Variants in VWA5B1 observed in about 807,000 individuals in gnomAD.
VWA5B1 encodes von Willebrand factor A domain-containing protein 5B1.
Under a neutral mutation model 118.2 loss-of-function variants are expected in VWA5B1, and 115 were observed. That is an observed-to-expected ratio of 0.97 (90% confidence interval 0.84 to 1.14). The LOEUF is 1.14. VWA5B1 is among the 50% of genes most tolerant of loss of function. VWA5B1 has a pLI of 0.00. For synonymous variants in VWA5B1, 682 were observed against 658.4 expected (o/e 1.04, Z -0.55); for missense variants, 1,596 against 1,603.8 (o/e 1.00, Z 0.08).
chr1:20,292,810 C>A (rs945999773), intron 1 of VWA5B1, among the ~76,000 whole-genome samples: 2 of 152,212 alleles, frequency 1.3e-5, no homozygotes, highest in African/African-American at 4.8e-5. Flanking sequence ...TCCAATCCAG[C>A]CCCATCCAGG....
Position 20,348,226 on chromosome 1 carries a change from C to T in VWA5B1, c.2765-19C>T, listed in dbSNP as rs528225057. 2.1e-4 allele frequency: 325 copies of T among 1,550,078 alleles called. 6 individuals are homozygous for T. In the South Asian group the frequency reaches 3.8e-3, roughly 18 times the overall value. On this transcript the variant is annotated intron_variant, in intron 17 of 21. Coordinates refer to ENST00000289815, the MANE Select transcript of VWA5B1 (RefSeq NM_001039500.3). ...CACATTTGTACCCAACCACCCGCTT[C>T]CCCTTGTCTTCCGCGAAGGAGCTGC...
chr1:20,330,726 C>T, intron 10 of VWA5B1, 143 bp from the exon 11 acceptor site: 1 of 842,304 alleles, frequency 1.2e-6, no homozygotes. Flanking sequence ...CCCGATGGCC[C>T]CTCTTCCTTC....
chr1:20,334,205 G>T (rs1240034906), intron 12 of VWA5B1, among the ~76,000 whole-genome samples: 1 of 152,220 alleles, frequency 6.6e-6, no homozygotes, highest in East Asian at 1.9e-4. Flanking sequence ...TTTCAGAACT[G>T]TGATCAGGTT....
intron 1 of VWA5B1, among the ~76,000 whole-genome samples, chr1:20,294,868 C>T (rs190891994): frequency 5.1e-4 from 77 of 152,350 alleles, no homozygotes; most frequent in Middle Eastern, 3.4e-3. Context: ...GAATTACAGG[C>T]GTGAGCCACC....
intron 14 of VWA5B1, among the ~76,000 whole-genome samples, chr1:20,340,584 T>TA (rs2089850347): frequency 6.6e-6 from 1 of 152,232 alleles, no homozygotes; most frequent in African/African-American, 2.4e-5. Context: ...AAAAAACTGT[T>TA]ACACCTGGTA....
At chr1:20,293,619 G>A (rs79346640) in intron 1 of VWA5B1, among the ~76,000 whole-genome samples, 4,221 of 152,322 alleles carry the variant, frequency 0.028, 105 homozygotes, top group Non-Finnish European at 0.042. Context: ...AGGGGCTTGA[G>A]CAAGGCCAAG....
At chr1:20,303,002 G>A (rs144936266) in intron 1 of VWA5B1, 52 of 152,344 alleles carry the variant, frequency 3.4e-4, no homozygotes, top group African/African-American at 1.2e-3. Context: ...AGAGGAAAGA[G>A]ACCAGAATAC....
At chr1:20,324,122 G>T (rs993279786) in intron 8 of VWA5B1, among the ~76,000 whole-genome samples, 1 of 152,210 alleles carries the variant, frequency 6.6e-6, no homozygotes, top group African/African-American at 2.4e-5. Flanking sequence ...TGGTAGAAAA[G>T]ACTTGGTTTC....
intron 1 of VWA5B1, among the ~76,000 whole-genome samples, chr1:20,308,267 T>C (rs1041592217): frequency 4.6e-5 from 7 of 152,240 alleles, no homozygotes; most frequent in Non-Finnish European, 8.8e-5. Context: ...GAGTCTGCCG[T>C]CTGTTATCAG....
rs2090212808 is a variant in VWA5B1 at position 20,355,487 on chromosome 1, G to A, written c.*1224G>A. 1.3e-5 allele frequency among the ~76,000 whole-genome samples: 2 copies of A among 152,332 alleles called. No homozygotes were observed. Among genetic ancestry groups the A allele is most frequent in the South Asian group, 4.1e-4 (2 of 4,828 alleles). ...TAGACCTCACCAAGGAACCCCACCA[G>A]CTTGGGACTTCAGGCTGAATCTATC... is the stretch of plus-strand genomic sequence containing the variant. On this transcript the variant is annotated 3_prime_UTR_variant, in exon 22 of 22. Coordinates refer to ENST00000289815, the MANE Select transcript of VWA5B1 (RefSeq NM_001039500.3).
At chr1:20,342,939 G>T in intron 15 of VWA5B1, 140 bp from the exon 16 acceptor site, 1 of 1,400,500 alleles carries the variant, frequency 7.1e-7, no homozygotes. Flanking sequence ...AAAGCAGTTG[G>T]AGTTGCCTGT....
chr1:20,299,700 G>A (rs558635666), intron 1 of VWA5B1, among the ~76,000 whole-genome samples: 2 of 152,208 alleles, frequency 1.3e-5, no homozygotes, highest in Non-Finnish European at 1.5e-5. Flanking sequence ...CACCACGCTC[G>A]GCCTCCAGTG....
intron 4 of VWA5B1, among the ~76,000 whole-genome samples, chr1:20,317,051 G>A (rs2089032564): frequency 6.6e-6 from 1 of 151,462 alleles, no homozygotes; most frequent in Non-Finnish European, 1.5e-5. Flanking sequence ...AGCTACTCGG[G>A]AGGCTGAGGC....
At chr1:20,346,189 C>T (rs1487837550) in intron 17 of VWA5B1, among the ~76,000 whole-genome samples, 1 of 148,704 alleles carries the variant, frequency 6.7e-6, no homozygotes, top group Non-Finnish European at 1.5e-5. Context: ...TTCCAAAGCA[C>T]TTTGTATATA....
In VWA5B1 at chr1:20,314,604, C is replaced by T. The variant is rs911185704; in HGVS notation, c.563+12C>T. ...CAACAGGCCCAGGGGTAAGGAAGCCCTGCCCAGACCAATCAGAGTCCCAGG... is the reference window on the plus strand; with the variant it reads ...CAACAGGCCCAGGGGTAAGGAAGCCTTGCCCAGACCAATCAGAGTCCCAGG... On this transcript the variant is annotated intron_variant, in intron 4 of 21. Transcript: ENST00000289815. The T allele has an allele frequency of 5.2e-6, 8 of 1,548,054 alleles. No individual in the cohort carries two copies. The highest frequency in any genetic ancestry group is 7.0e-6 in the Non-Finnish European group (8 of 1,144,550).
At position 20,337,814 on chromosome 1, in the gene VWA5B1, A is replaced by G; in HGVS notation, c.2111A>G (p.Gln704Arg). ...DLTNQTSLDV[Q>R]RWQIDLQPLL... Reference sequence around the variant, plus strand: ...ACCAACCAGACCAGCCTGGATGTCCAGCGGTGGCAGATTGATTTGCAGGTA... The same window carrying G: ...ACCAACCAGACCAGCCTGGATGTCCGGCGGTGGCAGATTGATTTGCAGGTA... The change falls in exon 14 of 22, where the codon CAG (glutamine) becomes CGG (arginine). Residue 704 changes from glutamine (Q) to arginine (R), a missense_variant. Physicochemically the swap from Gln to Arg is conservative, Grantham distance 43 (BLOSUM62 1). Transcript: ENST00000289815. 4 of 1,551,796 alleles carry G rather than the reference A, an allele frequency of 2.6e-6. No individual in the cohort carries two copies. In the South Asian group the frequency reaches 4.8e-5, roughly 18 times the overall value.
rs374632705 is a variant in VWA5B1, at chr1:20,314,487, C to A, written c.458C>A (p.Thr153Lys). The change falls in exon 4 of 22, where the codon ACG (threonine) becomes AAG (lysine). Residue 153 changes from threonine (T) to lysine (K), a missense_variant. Transcript: ENST00000289815. Reference sequence around the variant, plus strand: ...ATCAGCACCTCCTCGGAGCTCCCAACGCTGCCCAGCGGGGCTGTGAGGGTC... The same window carrying A: ...ATCAGCACCTCCTCGGAGCTCCCAAAGCTGCCCAGCGGGGCTGTGAGGGTC... The part of the protein sequence containing the change: ...IFISTSSELP[T>K]LPSGAVRVLL... The A allele has an allele frequency of 3.2e-6, 5 of 1,551,794 alleles. No homozygotes were observed. The East Asian group carries it at 9.8e-5, about 30-fold the overall frequency.
intron 5 of VWA5B1, chr1:20,318,308 G>T: frequency 2.2e-6 from 1 of 459,342 alleles, no homozygotes; most frequent in Non-Finnish European, 4.0e-6. Flanking sequence ...TGCTTGGCAG[G>T]ATGCTGGGAT....
chr1:20,312,942 G>C lies in VWA5B1; in HGVS notation c.246G>C (p.Glu82Asp), dbSNP rs372477519. ...AGATCAAGGACAAAGCCAAGCTGGA[G>C]AGCGGCCACTTCGATGCCTCCCATG... ...TVQIKDKAKL[E>D]SGHFDASHVR... Residue 82 changes from glutamate (E) to aspartate (D), a missense_variant, in exon 3 of 22, where the codon GAG becomes GAC. Coordinates refer to ENST00000289815, the MANE Select transcript of VWA5B1 (RefSeq NM_001039500.3). 7.1e-6 allele frequency: 11 copies of C among 1,551,658 alleles called. No homozygotes were observed. In the African/African-American group the frequency reaches 1.1e-4, roughly 15 times the overall value.
Sources: allele counts gnomAD v4.1 joint callset (sites outside exome capture counted in the v4.1 genomes callset), GRCh38; gene constraint gnomAD v4.1.1; transcripts MANE v1.5; gene names NCBI Gene and HGNC (gene_info 2026-07-23, HGNC 2026-07-21).